Variants in GTF2E1 observed in about 807,000 individuals in gnomAD.
GTF2E1 encodes the protein TFIIE alpha subunit.
A neutral mutation model predicts 34.9 loss-of-function variants in GTF2E1; 14 were observed. That is an observed-to-expected ratio of 0.40 (90% CI 0.27 to 0.63). The LOEUF is 0.63. Among genes scored for constraint, GTF2E1 ranks in the 20% least tolerant of loss-of-function variants. The pLI is 0.39. For synonymous variants in GTF2E1, 188 were observed against 192.9 expected, an observed-to-expected ratio of 0.97 and a Z score of 0.21; for missense variants, 469 against 557.7, an observed-to-expected ratio of 0.84 and a Z score of 1.60.
rs1345443713 is a variant in GTF2E1, at chr3:120,770,709, A to G, written c.449-19A>G. 18 of 1,586,698 alleles carry G rather than the reference A, an allele frequency of 1.1e-5. No individual in the cohort carries two copies. The highest frequency in any genetic ancestry group is 2.2e-5 in the East Asian group (1 of 44,756). ...GCTAAAGTCTTCTCTCTGACCTGAGATACTTGTTTTCTCTGTAGGAACTTT... is the reference window on the plus strand; with the variant it reads ...GCTAAAGTCTTCTCTCTGACCTGAGGTACTTGTTTTCTCTGTAGGAACTTT... On this transcript the variant is annotated intron_variant, in intron 2 of 4. Transcript: ENST00000283875.
At chr3:120,760,716 A>G (rs1261500760) in intron 2 of GTF2E1, among the ~76,000 whole-genome samples, 1 of 151,918 alleles carries the variant, frequency 6.6e-6, no homozygotes. Context: ...TGTTTATGTG[A>G]TGGATTACAT....
intron 2 of GTF2E1, among the ~76,000 whole-genome samples, chr3:120,763,981 T>A (rs1165201677): frequency 1.3e-5 from 2 of 152,226 alleles, no homozygotes; most frequent in Non-Finnish European, 2.9e-5. Context: ...ATTCCCATGT[T>A]CACAGCAGCC....
At chr3:120,750,199 A>G (rs1709150654) in intron 1 of GTF2E1, among the ~76,000 whole-genome samples, 1 of 152,244 alleles carries the variant, frequency 6.6e-6, no homozygotes. Flanking sequence ...TTCCCAAAGA[A>G]TAGTGAGCAT....
In GTF2E1 at chr3:120,781,496, T is replaced by C. The variant is rs771534610; in HGVS notation, c.*26T>C. ...GCTTTCCCTAATTCTTTCTCCTTTC[T>C]CTAATGCTCAGTTCAAAAAGGAATG... On this transcript the variant is annotated 3_prime_UTR_variant, in exon 5 of 5. Coordinates refer to ENST00000283875, the MANE Select transcript of GTF2E1 (RefSeq NM_005513.3). The C allele has an allele frequency of 1.9e-6, 3 of 1,565,236 alleles. No homozygotes were observed. In the South Asian group the frequency reaches 3.4e-5, roughly 17 times the overall value.
At chr3:120,777,731 C>T (rs1453541547) in intron 4 of GTF2E1, among the ~76,000 whole-genome samples, 1 of 152,090 alleles carries the variant, frequency 6.6e-6, no homozygotes. Context: ...ATTAGCCTGC[C>T]ATGTTAGTTT....
chr3:120,767,281 G>A (rs79295915), intron 2 of GTF2E1, among the ~76,000 whole-genome samples: 3,249 of 152,124 alleles, frequency 0.021, 56 homozygotes, highest in Middle Eastern at 0.055. Context: ...TTTATATAAC[G>A]AGCAGCCTTG....
At chr3:120,767,257 C>A (rs909470794) in intron 2 of GTF2E1, among the ~76,000 whole-genome samples, 106 of 152,080 alleles carry the variant, frequency 7.0e-4, no homozygotes, top group African/African-American at 2.5e-3. Context: ...CCTGGACTAT[C>A]ATTTTCAAGG....
intron 1 of GTF2E1, among the ~76,000 whole-genome samples, chr3:120,749,383 T>C (rs1709142291): frequency 6.6e-6 from 1 of 152,322 alleles, no homozygotes; most frequent in Non-Finnish European, 1.5e-5. Flanking sequence ...TGATATTGGC[T>C]GTGGGTTTGT....
In GTF2E1 at chr3:120,781,661, T is replaced by G. The variant is rs1709449205; in HGVS notation, c.*191T>G. The G allele has an allele frequency of 1.7e-6, 1 of 583,866 alleles. No homozygotes were observed. Among genetic ancestry groups the G allele is most frequent in the South Asian group, 2.2e-5 (1 of 45,472 alleles). 36.2% of individuals were successfully genotyped at this position (583,866 alleles called of 1,614,324 possible). On this transcript the variant is annotated 3_prime_UTR_variant, in exon 5 of 5. Coordinates refer to ENST00000283875, the MANE Select transcript of GTF2E1 (RefSeq NM_005513.3). ...TCCCAGCAAGGTAGGGTGCTGAGAA[T>G]CCTACCCTTCCTTGCTGTCACTACA... is the stretch of plus-strand genomic sequence containing the variant.
chr3:120,742,854 TTTC>T, intron 1 of GTF2E1, 60 bp downstream of exon 1: 2 of 345,976 alleles, frequency 5.8e-6, no homozygotes, highest in Non-Finnish European at 1.1e-5. Flanking sequence ...CATTTCATGA[TTTC>T]TTCTTCCTTT....
chr3:120,754,586 G>C (rs1164202032), intron 2 of GTF2E1, among the ~76,000 whole-genome samples: 1 of 151,758 alleles, frequency 6.6e-6, no homozygotes, highest in Non-Finnish European at 1.5e-5. Flanking sequence ...TTTTTCTTAT[G>C]AATTCTTGGC....
chr3:120,758,891 G>A (rs1184660832), intron 2 of GTF2E1, among the ~76,000 whole-genome samples: 2 of 152,186 alleles, frequency 1.3e-5, no homozygotes, highest in South Asian at 2.1e-4. Flanking sequence ...ACGTGTGCAT[G>A]TGTCTTTATA....
chr3:120,750,580 G>A lies in GTF2E1; in HGVS notation c.28G>A (p.Val10Ile), dbSNP rs764597019. The A allele has an allele frequency of 1.8e-5, 29 of 1,612,408 alleles. No homozygotes were observed. The Admixed American group carries it at 3.0e-4, about 17-fold the overall frequency. ...GGCAGACCCAGATGTCCTCACTGAA[G>A]TTCCAGCAGCATTGAAGCGGTTAGC... The part of the protein sequence containing the change: MADPDVLTE[V>I]PAALKRLAKY... Residue 10 changes from valine to isoleucine, a missense_variant, in exon 2 of 5, where the codon GTT (valine) becomes ATT (isoleucine). Coordinates refer to ENST00000283875, the MANE Select transcript of GTF2E1 (RefSeq NM_005513.3).
At chr3:120,764,643 T>C (rs2107609895) in intron 2 of GTF2E1, among the ~76,000 whole-genome samples, 1 of 152,306 alleles carries the variant, frequency 6.6e-6, no homozygotes, top group South Asian at 2.1e-4. Context: ...TAATGCTAAG[T>C]AATGACTAAT....
At chr3:120,761,225 C>G (rs1338216665) in intron 2 of GTF2E1, among the ~76,000 whole-genome samples, 26 of 152,148 alleles carry the variant, frequency 1.7e-4, no homozygotes, top group Non-Finnish European at 1.5e-5. Flanking sequence ...TTATAGTATT[C>G]TCTGATGGTA....
At chr3:120,761,119 G>T (rs1444994001) in intron 2 of GTF2E1, among the ~76,000 whole-genome samples, 1 of 152,150 alleles carries the variant, frequency 6.6e-6, no homozygotes, top group African/African-American at 2.4e-5. Flanking sequence ...TCTATTCAGA[G>T]ATTCAACTTC....
In GTF2E1 at chr3:120,750,823, T is replaced by C; in HGVS notation, c.271T>C (p.Tyr91His). 1 of 1,614,052 alleles carries C rather than the reference T, an allele frequency of 6.2e-7. No individual in the cohort carries two copies. Among genetic ancestry groups the C allele is most frequent in the Non-Finnish European group, 8.5e-7 (1 of 1,179,940 alleles). ...AADGKTTRHNYYFINYRTLVN... is the reference protein window; with the variant it reads ...AADGKTTRHNHYFINYRTLVN... Reference sequence around the variant, plus strand: ...AGACGGGAAAACCACTCGCCATAACTACTACTTCATCAATTATCGTACTCT... The same window carrying C: ...AGACGGGAAAACCACTCGCCATAACCACTACTTCATCAATTATCGTACTCT... Residue 91 changes from tyrosine to histidine, a missense_variant, in exon 2 of 5, where the codon TAC (tyrosine) becomes CAC (histidine). Coordinates refer to ENST00000283875, the MANE Select transcript of GTF2E1 (RefSeq NM_005513.3).
chr3:120,749,878 C>A (rs1462260762), intron 1 of GTF2E1: 1 of 152,132 alleles, frequency 6.6e-6, no homozygotes, highest in African/African-American at 2.4e-5. Context: ...TTTTGGGCTG[C>A]TCTCCCTCCC....
chr3:120,764,437 T>G (rs1709290133), intron 2 of GTF2E1, among the ~76,000 whole-genome samples: 1 of 152,058 alleles, frequency 6.6e-6, no homozygotes, highest in Non-Finnish European at 1.5e-5. Context: ...GCAATAGGAG[T>G]CCCACTTGAG....
Sources: allele counts gnomAD v4.1 joint callset (sites outside exome capture counted in the v4.1 genomes callset), GRCh38; gene constraint gnomAD v4.1.1; transcripts MANE v1.5; gene names NCBI Gene and HGNC (gene_info 2026-07-23, HGNC 2026-07-21).